EDC3: variants seen among roughly 807,000 people sequenced by gnomAD.
EDC3 encodes enhancer of mRNA decapping 3.
EDC3 carries 20 observed loss-of-function variants against 41.8 expected under a neutral mutation model. The ratio of observed to expected loss-of-function variants is 0.48; its 90% CI spans 0.34 to 0.70. EDC3 has a LOEUF of 0.70. EDC3 is among the 30% of genes least tolerant of loss of function. The pLI, the probability that EDC3 is intolerant of heterozygous loss-of-function variation, is 0.01. For synonymous variants in EDC3, 206 were observed against 243.2 expected, an observed-to-expected ratio of 0.85 and a Z score of 1.42; for missense variants, 444 against 636.8, an observed-to-expected ratio of 0.70 and a Z score of 3.26.
intron 1 of EDC3, among the ~76,000 whole-genome samples, chr15:74,677,391 C>G (rs1190288130): frequency 8.2e-6 from 1 of 121,870 alleles, no homozygotes; most frequent in East Asian, 2.5e-4. Context: ...GAGACTGAGT[C>G]TCACTCTATC....
rs1261508579 is a variant in EDC3 at position 74,632,440 on chromosome 15, C to T, written c.*172G>A. The T allele has an allele frequency of 4.7e-5, 38 of 807,084 alleles. No homozygotes were observed. In the South Asian group the frequency reaches 6.3e-4, roughly 13 times the overall value. 50.0% of individuals were successfully genotyped at this position (807,084 alleles called of 1,614,324 possible). ...GCCCGGAACCCAGTGGGAAAGACTT[C>T]CCTGGCTAAGAGCAAGTGACAGGTC... On this transcript the variant is annotated 3_prime_UTR_variant, in exon 7 of 7. Coordinates refer to ENST00000315127, the MANE Select transcript of EDC3 (RefSeq NM_025083.5). The surrounding 1 kb of genome is among the most constrained non-coding windows in gnomAD (Gnocchi z 4.0).
At chr15:74,673,156 T>C (rs1320478768) in intron 2 of EDC3, among the ~76,000 whole-genome samples, 1 of 152,066 alleles carries the variant, frequency 6.6e-6, no homozygotes, top group Non-Finnish European at 1.5e-5. Flanking sequence ...CACAATGGAT[T>C]TTCCTGGTGG....
intron 4 of EDC3, chr15:74,643,354 T>A (rs1196571459): frequency 6.6e-6 from 1 of 152,218 alleles, no homozygotes; most frequent in Admixed American, 6.5e-5. Flanking sequence ...ATATGTATTT[T>A]ACAGCTGCTG....
At chr15:74,655,610 G>T in intron 4 of EDC3, 123 bp downstream of exon 4, 1 of 983,134 alleles carries the variant, frequency 1.0e-6, no homozygotes. Flanking sequence ...TACCGGGCCA[G>T]CCACCAAGCC....
chr15:74,675,012 G>T lies in EDC3; in HGVS notation c.113C>A (p.Thr38Asn). Residue 38 changes from threonine (T) to asparagine (N), a missense_variant, in exon 2 of 7, where the codon ACC (threonine) becomes AAC (asparagine). By Grantham distance (65) the Thr-to-Asn change is moderately conservative (BLOSUM62 0). Transcript: ENST00000315127. The stretch of plus-strand genomic sequence containing the variant: ...CTTCACTCCATTATGGAAAGGCCGG[G>T]TGAGAGAAATGGTCTGGCTGACCTG... ...VDQVSQTISL[T>N]RPFHNGVKCL... The T allele has an allele frequency of 6.2e-7, 1 of 1,614,148 alleles. No individual in the cohort carries two copies. The highest frequency in any genetic ancestry group is 8.5e-7 in the Non-Finnish European group (1 of 1,180,042).
At chr15:74,682,646 C>G (rs530101830) in intron 1 of EDC3, among the ~76,000 whole-genome samples, 4 of 144,106 alleles carry the variant, frequency 2.8e-5, no homozygotes, top group Non-Finnish European at 6.1e-5. Context: ...AACCAAAAAA[C>G]TAAACATGCA....
intron 2 of EDC3, among the ~76,000 whole-genome samples, chr15:74,672,582 G>A (rs886471931): frequency 3.9e-5 from 6 of 152,292 alleles, no homozygotes; most frequent in South Asian, 2.1e-4. Flanking sequence ...TTGGGAGGCC[G>A]AGGCAGGCGA....
chr15:74,689,611 G>A (rs571686161), intron 1 of EDC3, among the ~76,000 whole-genome samples: 16 of 151,658 alleles, frequency 1.1e-4, no homozygotes, highest in African/African-American at 3.4e-4. Context: ...TGCAAGCTCC[G>A]CCTCCTGGGT....
Position 74,635,515 on chromosome 15 carries a change from G to A in EDC3, c.1086C>T (p.Val362=). 6.2e-7 allele frequency: 1 copy of A among 1,614,256 alleles called. No individual in the cohort carries two copies. The highest frequency in any genetic ancestry group is 8.5e-7 in the Non-Finnish European group (1 of 1,180,048). ...SCGRHLANHD[V]QVILFLPNFV... ...AATTGGGCAGGAAAAGGATGACCTGGACATCATGGTTGGCTAGGTGCCTTC... is the reference window on the plus strand; with the variant it reads ...AATTGGGCAGGAAAAGGATGACCTGAACATCATGGTTGGCTAGGTGCCTTC... The change falls in exon 6 of 7, where the codon GTC becomes GTT. Residue 362 remains valine, a synonymous_variant. Coordinates refer to ENST00000315127, the MANE Select transcript of EDC3 (RefSeq NM_025083.5).
chr15:74,690,811 G>C (rs942783808), intron 1 of EDC3, among the ~76,000 whole-genome samples: 1 of 151,900 alleles, frequency 6.6e-6, no homozygotes, highest in African/African-American at 2.4e-5. Flanking sequence ...AAGAAATCCA[G>C]CACAATCCCC....
At chr15:74,633,603 A>G (rs989570424) in intron 6 of EDC3, among the ~76,000 whole-genome samples, 3 of 152,220 alleles carry the variant, frequency 2.0e-5, no homozygotes, top group Non-Finnish European at 2.9e-5. Flanking sequence ...CTGGGACAGT[A>G]TTAGAAAAGG....
At chr15:74,674,812 C>T (rs934845286) in intron 2 of EDC3, 149 bp downstream of exon 2, 17 of 900,624 alleles carry the variant, frequency 1.9e-5, no homozygotes, top group Non-Finnish European at 2.9e-5. Flanking sequence ...GCCAGTAGTT[C>T]GAGACCAGCC....
In EDC3 at chr15:74,671,391, G is replaced by A; in HGVS notation, c.484+64C>T. On this transcript the variant is annotated intron_variant, in intron 3 of 6. Transcript: ENST00000315127. This position sits in a 1 kb window ranked among gnomAD's most constrained non-coding sequence, Gnocchi z 4.6. ...CAAAGGATTTGTTTAAAGAGCAGCAGTGCTTATGGCTTATAGCCCTGAAAC... is the reference window on the plus strand; with the variant it reads ...CAAAGGATTTGTTTAAAGAGCAGCAATGCTTATGGCTTATAGCCCTGAAAC... The A allele has an allele frequency of 6.6e-7, 1 of 1,517,728 alleles. No homozygotes were observed. The highest frequency in any genetic ancestry group is 8.9e-7 in the Non-Finnish European group (1 of 1,117,868). 94.0% of individuals were successfully genotyped at this position (1,517,728 alleles called of 1,614,324 possible).
intron 2 of EDC3, among the ~76,000 whole-genome samples, chr15:74,672,252 G>A (rs1175907765): frequency 1.7e-5 from 2 of 115,578 alleles, no homozygotes; most frequent in South Asian, 3.2e-4. Flanking sequence ...CTGGGCGACA[G>A]AGCGAGACTC....
At chr15:74,662,445 T>A (rs2061221) in intron 3 of EDC3, among the ~76,000 whole-genome samples, 30,388 of 147,736 alleles carry the variant, frequency 0.21, 4,066 homozygotes, top group East Asian at 0.5. Context: ...ATTTTTTTTT[T>A]AAAAAGCAAA....
At chr15:74,635,967 C>T in intron 5 of EDC3, 1 of 296,750 alleles carries the variant, frequency 3.4e-6, no homozygotes, top group Non-Finnish European at 6.5e-6. Context: ...CCCAACGTGT[C>T]TGCTTCACTC....
At chr15:74,660,291 C>A (rs1227215953) in intron 3 of EDC3, among the ~76,000 whole-genome samples, 1 of 151,666 alleles carries the variant, frequency 6.6e-6, no homozygotes, top group Admixed American at 6.6e-5. Flanking sequence ...GTAATCCCAG[C>A]TACTTGGGAG....
chr15:74,637,883 C>T (rs557651833), intron 5 of EDC3: 1 of 152,312 alleles, frequency 6.6e-6, no homozygotes, highest in East Asian at 1.9e-4. Context: ...GGCTTTGGAT[C>T]TGTGAGTGCT....
chr15:74,640,863 G>T, intron 4 of EDC3: 1 of 516,816 alleles, frequency 1.9e-6, no homozygotes. Context: ...AGCTCCCTTA[G>T]CAATTTAGCT....
Sources: gnomAD v4.1 joint callset for allele counts (sites outside exome capture counted in the v4.1 genomes callset) on GRCh38, gnomAD v4.1.1 for gene constraint, Gnocchi (gnomAD v3.1) non-coding constraint, MANE v1.5 for transcripts, NCBI Gene and HGNC (gene_info 2026-07-23, HGNC 2026-07-21) for gene names.